SH3D19: variants seen among roughly 807,000 people sequenced by gnomAD.
SH3D19 encodes SH3 domain containing 19, also known as SH3 domain-containing protein 19.
Under a neutral mutation model 112.1 loss-of-function variants are expected in SH3D19, and 58 were observed. The ratio of observed to expected loss-of-function variants is 0.52; its 90% CI spans 0.42 to 0.64. The LOEUF (loss-of-function observed/expected upper bound fraction) is 0.64. Ranked by LOEUF, SH3D19 falls within the 30% of genes least tolerant of loss-of-function variation. The pLI is 0.00. For synonymous variants in SH3D19, 391 were observed against 448.5 expected (o/e 0.87, Z 1.62); for missense variants, 1,090 against 1,263.4 (o/e 0.86, Z 2.08).
intron 8 of SH3D19, among the ~76,000 whole-genome samples, chr4:151,162,782 C>G (rs545853351): frequency 1.3e-5 from 2 of 152,100 alleles, no homozygotes; most frequent in East Asian, 3.9e-4. Flanking sequence ...ACTATGTTGG[C>G]CAGGCTGATC....
chr4:151,155,974 G>C (rs1756033751), intron 9 of SH3D19, among the ~76,000 whole-genome samples: 2 of 152,126 alleles, frequency 1.3e-5, no homozygotes, highest in Non-Finnish European at 2.9e-5. Flanking sequence ...ATTCAGTAAA[G>C]TTGCAGGATA....
rs1021860856 is a variant in SH3D19 at position 151,161,635 on chromosome 4, TATA to T, written c.1643-2286_1643-2284del. Among the ~76,000 whole-genome samples, 372 of 141,332 alleles carry T rather than the reference TATA, an allele frequency of 2.6e-3. 9 individuals carry two copies. In the East Asian group the frequency reaches 0.06, roughly 23 times the overall value. The allele number at this position is 141,332 out of a possible 152,430, so 92.7% of individuals were successfully genotyped here. A position where few individuals can be genotyped will look rare whatever the true frequency, so the allele number is the denominator to read the frequency against. Reference sequence around the variant, plus strand: ...TCTTTTATACATATATATATATATATATATATTTTAATTATACTTTAAGTTCTA... The same window carrying T: ...TCTTTTATACATATATATATATATATTATTTTAATTATACTTTAAGTTCTA... On this transcript the variant is annotated intron_variant, in intron 8 of 19. Coordinates refer to ENST00000604030, the MANE Select transcript of SH3D19 (RefSeq NM_001378122.1).
In SH3D19 at chr4:151,210,871, T is replaced by C. The variant is rs557172482; in HGVS notation, c.152+15176A>G. On this transcript the variant is annotated intron_variant, in intron 2 of 19. Transcript: ENST00000604030. ...ATTATTTTATAGTAACAAAATTTAA[T>C]TGTTTGTTGTTGTTTTTTTCTTCTG... is the stretch of plus-strand genomic sequence containing the variant. Among the ~76,000 whole-genome samples the C allele has an allele frequency of 9.2e-5, 14 of 152,244 alleles. 1 individual carries two copies. The South Asian group carries it at 2.1e-3, about 23-fold the overall frequency.
At chr4:151,253,231 T>G (rs181660553) in intron 1 of SH3D19, among the ~76,000 whole-genome samples, 56 of 152,302 alleles carry the variant, frequency 3.7e-4, no homozygotes, top group African/African-American at 1.3e-3. Flanking sequence ...CCATAGTGTT[T>G]CCTAAACGTT....
intron 2 of SH3D19, among the ~76,000 whole-genome samples, chr4:151,214,766 ACC>A (rs1263507743): frequency 1.2e-5 from 1 of 84,436 alleles, no homozygotes; most frequent in Non-Finnish European, 2.5e-5. Context: ...CAGGGGGCTG[ACC>A]CCCCCACCTC....
intron 1 of SH3D19, among the ~76,000 whole-genome samples, chr4:151,321,470 T>A (rs572622694): frequency 1.1e-4 from 16 of 152,036 alleles, no homozygotes; most frequent in African/African-American, 3.9e-4. Flanking sequence ...GAAACAAAAA[T>A]GAAGTTGATC....
Position 151,291,017 on chromosome 4 carries a change from G to A in SH3D19, c.112+34224C>T, listed in dbSNP as rs577527129. ...CCCCTGCAGGGTTCCACAGCTCCATGGGTCTCATGGCCCAGTTTTAAAGAA... is the reference window on the plus strand; with the variant it reads ...CCCCTGCAGGGTTCCACAGCTCCATAGGTCTCATGGCCCAGTTTTAAAGAA... On this transcript the variant is annotated intron_variant, in intron 1 of 19. Transcript: ENST00000604030. 26 of 819,148 alleles carry A rather than the reference G, an allele frequency of 3.2e-5. No homozygotes were observed. In the African/African-American group the frequency reaches 3.8e-4, roughly 12 times the overall value. The allele number at this position is 819,148 out of a possible 1,614,324, so 50.7% of individuals were successfully genotyped here. A position where few individuals can be genotyped will look rare whatever the true frequency, so the allele number is the denominator to read the frequency against.
Position 151,310,036 on chromosome 4 carries a change from C to A in SH3D19, c.112+15205G>T, listed in dbSNP as rs28809495. Among the ~76,000 whole-genome samples the A allele has an allele frequency of 7.9e-3, 1,202 of 151,854 alleles. 12 individuals are homozygous for A. The highest frequency in any genetic ancestry group is 0.028 in the African/African-American group (1,144 of 41,418). ...TGGTGGCTCATGCCTGTAATCCCAG[C>A]ACTTTGGGAGGCTGAGGCAGGAGGA... On this transcript the variant is annotated intron_variant, in intron 1 of 19. Transcript: ENST00000604030.
Position 151,133,054 on chromosome 4 carries a change from G to A in SH3D19, c.2669C>T (p.Thr890Ile). 6.2e-7 allele frequency: 1 copy of A among 1,613,930 alleles called. No homozygotes were observed. Among genetic ancestry groups the A allele is most frequent in the Non-Finnish European group, 8.5e-7 (1 of 1,179,882 alleles). The change falls in exon 16 of 20, where the codon ACC becomes ATC. Residue 890 changes from threonine (T) to isoleucine (I), a missense_variant. Thr to Ile is a moderately conservative substitution (Grantham distance 89). Transcript: ENST00000604030. Reference protein sequence around the residue: ...NFVEPVEDYPTSGANVLSTKV... With the variant: ...NFVEPVEDYPISGANVLSTKV... ...CTCACTTAAAACATTTGCACCAGAGGTGGGATAATCCTCAACAGGCTCCAC... is the reference window on the plus strand; with the variant it reads ...CTCACTTAAAACATTTGCACCAGAGATGGGATAATCCTCAACAGGCTCCAC...
At chr4:151,285,675 T>C (rs937770493) in intron 1 of SH3D19, among the ~76,000 whole-genome samples, 1 of 152,104 alleles carries the variant, frequency 6.6e-6, no homozygotes, top group Admixed American at 6.6e-5. Context: ...AAGACCAGCC[T>C]GGGCAACATA....
chr4:151,260,505 T>C (rs1772290994), intron 1 of SH3D19, among the ~76,000 whole-genome samples: 1 of 152,206 alleles, frequency 6.6e-6, no homozygotes, highest in South Asian at 2.1e-4. Context: ...CTTGTCAGTT[T>C]TACTTCCAAA....
chr4:151,320,421 T>C (rs1425722163), intron 1 of SH3D19, among the ~76,000 whole-genome samples: 2 of 152,264 alleles, frequency 1.3e-5, no homozygotes, highest in East Asian at 1.9e-4. Flanking sequence ...ACAAAGCTTT[T>C]AGGGGACAAT....
intron 2 of SH3D19, among the ~76,000 whole-genome samples, chr4:151,209,746 G>A (rs1371392151): frequency 1.3e-5 from 2 of 152,122 alleles, no homozygotes; most frequent in African/African-American, 4.8e-5. Flanking sequence ...TTATGCACTG[G>A]TGTCTATGCC....
intron 1 of SH3D19, among the ~76,000 whole-genome samples, chr4:151,269,961 A>G (rs1344432959): frequency 6.6e-6 from 1 of 152,194 alleles, no homozygotes; most frequent in Non-Finnish European, 1.5e-5. Flanking sequence ...GAAGGTGTTC[A>G]GGGGCAATAA....
chr4:151,299,888 C>T (rs1253308041), intron 1 of SH3D19, among the ~76,000 whole-genome samples: 2 of 152,108 alleles, frequency 1.3e-5, no homozygotes, highest in African/African-American at 4.8e-5. Context: ...CTTCTAAAAA[C>T]AGGTTGCAGC....
chr4:151,283,141 A>G (rs766184848), intron 1 of SH3D19: 82 of 1,613,708 alleles, frequency 5.1e-5, no homozygotes, highest in Non-Finnish European at 6.5e-5. Context: ...TCTGCCCTTC[A>G]GGAAGCAGAA....
At chr4:151,236,547 G>A (rs1263118786) in intron 1 of SH3D19, among the ~76,000 whole-genome samples, 2 of 151,866 alleles carry the variant, frequency 1.3e-5, no homozygotes, top group African/African-American at 4.8e-5. Flanking sequence ...GATTGTAAAC[G>A]CACCAATCAG....
At chr4:151,139,031 G>GGTCAGACTGGTCTGGAC (rs1376694997) in intron 13 of SH3D19, among the ~76,000 whole-genome samples, 4 of 151,710 alleles carry the variant, frequency 2.6e-5, no homozygotes, top group Non-Finnish European at 5.9e-5. Context: ...TCAACATGTT[G>GGTCAGACTGGTCTGGAC]GTCAGACTGG....
At chr4:151,244,144 T>C (rs1229961771) in intron 1 of SH3D19, among the ~76,000 whole-genome samples, 1 of 152,138 alleles carries the variant, frequency 6.6e-6, no homozygotes, top group Non-Finnish European at 1.5e-5. Context: ...TAAGAGTCTA[T>C]AGTAAACAAG....
Sources: allele counts gnomAD v4.1 joint callset (sites outside exome capture counted in the v4.1 genomes callset), GRCh38; gene constraint gnomAD v4.1.1; transcripts MANE v1.5; gene names NCBI Gene and HGNC (gene_info 2026-07-23, HGNC 2026-07-21).